Variants in APBA1 observed in about 807,000 individuals in gnomAD.
APBA1 encodes the protein amyloid beta precursor protein binding family A member 1, also known as amyloid-beta A4 precursor protein-binding family A member 1.
A neutral mutation model predicts 86.6 loss-of-function variants in APBA1; 55 were observed. The ratio of observed to expected loss-of-function variants is 0.64; its 90% CI spans 0.51 to 0.80. The LOEUF is 0.80. Ranked by LOEUF, APBA1 falls within the 30% of genes least tolerant of loss-of-function variation. APBA1 has a pLI of 0.00. For synonymous variants in APBA1, 511 were observed against 493.9 expected (o/e 1.03, Z -0.46); for missense variants, 1,090 against 1,183.0 (o/e 0.92, Z 1.15).
chr9:69,604,603 C>T (rs1822429322), intron 1 of APBA1, among the ~76,000 whole-genome samples: 2 of 148,092 alleles, frequency 1.4e-5, no homozygotes, highest in African/African-American at 5.0e-5. Flanking sequence ...GGTGTGGGCA[C>T]ACACATGAGG....
chr9:69,617,632 C>T (rs1044449385), intron 1 of APBA1, among the ~76,000 whole-genome samples: 7 of 151,958 alleles, frequency 4.6e-5, no homozygotes, highest in African/African-American at 1.7e-4. Context: ...ATGGGAATGT[C>T]ATGGGGAAAA....
At chr9:69,577,705 T>C (rs1464646576) in intron 1 of APBA1, among the ~76,000 whole-genome samples, 1 of 152,158 alleles carries the variant, frequency 6.6e-6, no homozygotes, top group Non-Finnish European at 1.5e-5. Flanking sequence ...AATATGACAA[T>C]GAAAAATAAA....
In APBA1 at chr9:69,559,164, A is replaced by C. The variant is rs139774474; in HGVS notation, c.-69-41885T>G. 3.2e-3 allele frequency among the ~76,000 whole-genome samples: 491 copies of C among 152,334 alleles called. 1 individual carries two copies. Among genetic ancestry groups the C allele is most frequent in the African/African-American group, 0.011 (465 of 41,576 alleles). On this transcript the variant is annotated intron_variant, in intron 1 of 12. Transcript: ENST00000265381. ...AGTCTTACAGAAATACATCTTGACC[A>C]ATTCTTTAGTGAGTATTAATAAAAA...
At chr9:69,635,348 A>G (rs1300487726) in intron 1 of APBA1, among the ~76,000 whole-genome samples, 1 of 152,140 alleles carries the variant, frequency 6.6e-6, no homozygotes, top group Non-Finnish European at 1.5e-5. Context: ...CCCCAAATCA[A>G]AAAACATAAA....
chr9:69,656,258 C>T (rs749970808), intron 1 of APBA1, among the ~76,000 whole-genome samples: 2 of 152,190 alleles, frequency 1.3e-5, no homozygotes, highest in Non-Finnish European at 2.9e-5. Flanking sequence ...TATGACCCCA[C>T]AATTCCATTC....
chr9:69,603,906 G>T (rs1822406026), intron 1 of APBA1, among the ~76,000 whole-genome samples: 4 of 152,168 alleles, frequency 2.6e-5, no homozygotes, highest in African/African-American at 4.8e-5. Context: ...TCTTCAGTCT[G>T]CCCCAGATTC....
intron 1 of APBA1, among the ~76,000 whole-genome samples, chr9:69,540,122 GCAACAACAA>G (rs56405500): frequency 9.4e-5 from 14 of 148,574 alleles, no homozygotes; most frequent in South Asian, 6.6e-4. Flanking sequence ...CTCCATCTCG[GCAACAACAA>G]CAACAACAAC....
At chr9:69,543,159 C>T (rs1302493498) in intron 1 of APBA1, among the ~76,000 whole-genome samples, 1 of 152,196 alleles carries the variant, frequency 6.6e-6, no homozygotes, top group Non-Finnish European at 1.5e-5. Flanking sequence ...AACAGACTGG[C>T]AGGCCTGGGA....
At chr9:69,560,907 T>A (rs967249128) in intron 1 of APBA1, among the ~76,000 whole-genome samples, 68 of 152,320 alleles carry the variant, frequency 4.5e-4, no homozygotes, top group African/African-American at 1.6e-3. Flanking sequence ...GCACAACAAC[T>A]TTATTCAAGT....
At chr9:69,584,220 CGTGT>C (rs145506611) in intron 1 of APBA1, among the ~76,000 whole-genome samples, 1 of 151,262 alleles carries the variant, frequency 6.6e-6, no homozygotes, top group Non-Finnish European at 1.5e-5. Flanking sequence ...TGTACATCTC[CGTGT>C]GTGTGTGTGT....
At chr9:69,545,658 C>A (rs1329717236) in intron 1 of APBA1, among the ~76,000 whole-genome samples, 3 of 152,198 alleles carry the variant, frequency 2.0e-5, no homozygotes, top group Non-Finnish European at 4.4e-5. Context: ...AGAGCCTGAG[C>A]CTATTCTGCT....
In APBA1 at chr9:69,516,347, C is replaced by A; in HGVS notation, c.864G>T (p.Lys288Asn). Residue 288 changes from lysine (K) to asparagine (N), a missense_variant, in exon 2 of 13, where the codon AAG (lysine) becomes AAT (asparagine). Physicochemically the swap from Lys to Asn is moderately conservative, Grantham distance 94. Coordinates refer to ENST00000265381, the MANE Select transcript of APBA1 (RefSeq NM_001163.4). This position sits in a 1 kb window ranked among gnomAD's most constrained non-coding sequence, Gnocchi z 7.3. The part of the protein sequence containing the change: ...KQSMSSQSLD[K>N]AAEDMPEAEQ... Reference sequence around the variant, plus strand: ...CGGCCTCAGGCATGTCCTCGGCTGCCTTGTCGAGGCTCTGCGAGCTCATGC... The same window carrying A: ...CGGCCTCAGGCATGTCCTCGGCTGCATTGTCGAGGCTCTGCGAGCTCATGC... The A allele has an allele frequency of 6.3e-7, 1 of 1,598,404 alleles. No homozygotes were observed. Among genetic ancestry groups the A allele is most frequent in the Non-Finnish European group, 8.5e-7 (1 of 1,177,748 alleles).
intron 1 of APBA1, among the ~76,000 whole-genome samples, chr9:69,645,448 T>C (rs981610053): frequency 1.3e-5 from 2 of 152,242 alleles, no homozygotes; most frequent in African/African-American, 4.8e-5. Context: ...AACCGAGTTA[T>C]GTGTTTGGCA....
At chr9:69,450,884 C>A (rs1026955670) in intron 9 of APBA1, among the ~76,000 whole-genome samples, 2 of 151,836 alleles carry the variant, frequency 1.3e-5, no homozygotes, top group Non-Finnish European at 2.9e-5. Context: ...GATGTGAAGA[C>A]ACAGCATGAA....
intron 1 of APBA1, among the ~76,000 whole-genome samples, chr9:69,584,175 A>G (rs1447492590): frequency 6.6e-6 from 1 of 152,216 alleles, no homozygotes; most frequent in African/African-American, 2.4e-5. Flanking sequence ...AAATAAAAAT[A>G]TAATGAGATA....
chr9:69,578,612 G>A (rs1821853578), intron 1 of APBA1, among the ~76,000 whole-genome samples: 1 of 152,158 alleles, frequency 6.6e-6, no homozygotes, highest in Non-Finnish European at 1.5e-5. Context: ...ACTTTACAAA[G>A]ATTGAGAAAT....
chr9:69,672,555 CGCGGCGGCG>C (rs1156962478), upstream of APBA1, among the ~76,000 whole-genome samples: 210 of 147,522 alleles, frequency 1.4e-3, 1 homozygote, highest in Admixed American at 3.7e-3. Context: ...CCCGCGAGCC[CGCGGCGGCG>C]GCGGCGGCAC....
At chr9:69,656,849 T>TC (rs1823622152) in intron 1 of APBA1, among the ~76,000 whole-genome samples, 2 of 151,322 alleles carry the variant, frequency 1.3e-5, no homozygotes, top group Admixed American at 6.6e-5. Flanking sequence ...CTTTTTTTTT[T>TC]TTTTTTTGAG....
chr9:69,644,154 G>A (rs1319827810), intron 1 of APBA1, among the ~76,000 whole-genome samples: 1 of 152,104 alleles, frequency 6.6e-6, no homozygotes, highest in East Asian at 1.9e-4. Flanking sequence ...TAATCTGCTT[G>A]CTATCTGTCT....
Sources: gnomAD v4.1 joint callset for allele counts (sites outside exome capture counted in the v4.1 genomes callset) on GRCh38, gnomAD v4.1.1 for gene constraint, Gnocchi (gnomAD v3.1) non-coding constraint, MANE v1.5 for transcripts, NCBI Gene and HGNC (gene_info 2026-07-23, HGNC 2026-07-21) for gene names.